Variants in STPG2 observed in about 807,000 individuals in gnomAD.
The protein encoded by STPG2 is sperm-tail PG-rich repeat-containing protein 2.
In STPG2, 56 loss-of-function variants were observed where a neutral mutation model predicts 54.2. That is an observed-to-expected ratio of 1.03 (90% confidence interval 0.83 to 1.29). The LOEUF (loss-of-function observed/expected upper bound fraction) is 1.29. Ranked by LOEUF, STPG2 falls within the 50% of genes most tolerant of loss-of-function variation. The pLI is 0.00. For missense variants in STPG2, 596 were observed against 544.9 expected (o/e 1.09, Z -0.93); for synonymous variants, 200 against 181.8 (o/e 1.10, Z -0.81).
At chr4:98,075,040 G>T (rs1054444822) in intron 5 of STPG2, among the ~76,000 whole-genome samples, 7 of 152,108 alleles carry the variant, frequency 4.6e-5, no homozygotes, top group African/African-American at 1.7e-4. Context: ...GGTCCATCAG[G>T]GATTGAGAAA....
intron 5 of STPG2, among the ~76,000 whole-genome samples, chr4:98,098,364 A>G (rs996206023): frequency 6.6e-6 from 1 of 152,146 alleles, no homozygotes; most frequent in African/African-American, 2.4e-5. Context: ...AAGAACATAC[A>G]TTGGGGAAAA....
chr4:97,959,867 T>C (rs1157791928), intron 7 of STPG2, among the ~76,000 whole-genome samples: 1 of 152,038 alleles, frequency 6.6e-6, no homozygotes, highest in East Asian at 1.9e-4. Flanking sequence ...ATCACCCTAA[T>C]ACCAAAACAT....
At chr4:97,653,178 TA>T (rs1394487251) in intron 10 of STPG2, among the ~76,000 whole-genome samples, 1 of 151,984 alleles carries the variant, frequency 6.6e-6, no homozygotes, top group African/African-American at 2.4e-5. Flanking sequence ...TATTATGTAT[TA>T]GGGACTGAGG....
chr4:97,949,452 G>A (rs1436446994), intron 7 of STPG2, among the ~76,000 whole-genome samples: 1 of 152,052 alleles, frequency 6.6e-6, no homozygotes, highest in African/African-American at 2.4e-5. Context: ...CAATCAACAT[G>A]TGAATTGTTA....
At chr4:97,561,297 T>G (rs1460102836) in intron 10 of STPG2, among the ~76,000 whole-genome samples, 1 of 152,218 alleles carries the variant, frequency 6.6e-6, no homozygotes, top group Non-Finnish European at 1.5e-5. Flanking sequence ...TTGATGGGGT[T>G]GTTTTTTTCT....
intron 9 of STPG2, among the ~76,000 whole-genome samples, chr4:97,783,296 T>A (rs1726712683): frequency 6.6e-6 from 1 of 152,138 alleles, no homozygotes; most frequent in Admixed American, 6.5e-5. Flanking sequence ...AAAGAAGACA[T>A]TTATGCAGCC....
chr4:97,557,322 C>G (rs1732101038), downstream of STPG2, among the ~76,000 whole-genome samples: 1 of 151,592 alleles, frequency 6.6e-6, no homozygotes, highest in Admixed American at 6.6e-5. Context: ...AGTTAGCAAT[C>G]AGAGAGAGAG....
chr4:97,703,816 A>G (rs1015249199), intron 10 of STPG2, among the ~76,000 whole-genome samples: 3 of 148,308 alleles, frequency 2.0e-5, no homozygotes, highest in African/African-American at 5.0e-5. Flanking sequence ...GTGTGTGTAT[A>G]TATACATATA....
At chr4:97,789,056 G>T (rs1230413815) in intron 9 of STPG2, among the ~76,000 whole-genome samples, 1 of 151,562 alleles carries the variant, frequency 6.6e-6, no homozygotes, top group Admixed American at 6.6e-5. Context: ...ATGCAGAATG[G>T]TACATGGGAA....
chr4:97,764,549 A>C (rs1725984537), intron 9 of STPG2, among the ~76,000 whole-genome samples: 1 of 152,140 alleles, frequency 6.6e-6, no homozygotes, highest in Admixed American at 6.5e-5. Context: ...AATCAAAATA[A>C]CCTTCACAGA....
intron 9 of STPG2, among the ~76,000 whole-genome samples, chr4:97,822,186 T>G (rs969787826): frequency 6.6e-6 from 1 of 152,222 alleles, no homozygotes; most frequent in Non-Finnish European, 1.5e-5. Flanking sequence ...TCTTAAATGC[T>G]TTGCTGCTTA....
At chr4:97,982,649 A>G (rs959143166) in intron 5 of STPG2, among the ~76,000 whole-genome samples, 1 of 152,114 alleles carries the variant, frequency 6.6e-6, no homozygotes, top group African/African-American at 2.4e-5. Flanking sequence ...TTAGAGTCAC[A>G]TATTGCTTTA....
At chr4:98,121,615 G>A (rs1739681312) in intron 3 of STPG2, among the ~76,000 whole-genome samples, 1 of 152,066 alleles carries the variant, frequency 6.6e-6, no homozygotes, top group Non-Finnish European at 1.5e-5. Flanking sequence ...TCCCTTGTTA[G>A]CTGTATTCCT....
chr4:98,030,808 G>A (rs895826636), intron 5 of STPG2, among the ~76,000 whole-genome samples: 45 of 152,236 alleles, frequency 3.0e-4, no homozygotes, highest in African/African-American at 9.4e-4. Flanking sequence ...TTCATTAAAC[G>A]GTGCTGAGAT....
intron 7 of STPG2, among the ~76,000 whole-genome samples, chr4:97,960,235 A>G (rs998367236): frequency 2.6e-5 from 4 of 152,124 alleles, no homozygotes; most frequent in Non-Finnish European, 5.9e-5. Flanking sequence ...ACCACAACCA[A>G]CATAATACTG....
At chr4:97,867,163 A>T (rs537899735) in intron 8 of STPG2, among the ~76,000 whole-genome samples, 9 of 151,970 alleles carry the variant, frequency 5.9e-5, no homozygotes, top group Admixed American at 3.9e-4. Flanking sequence ...TTTCTGTTTA[A>T]GCCTTTTAGA....
intron 9 of STPG2, among the ~76,000 whole-genome samples, chr4:97,818,299 G>A (rs991224692): frequency 2.6e-5 from 4 of 151,548 alleles, no homozygotes; most frequent in African/African-American, 4.8e-5. Context: ...GGATAGTATC[G>A]AACCCTATAA....
chr4:97,844,913 G>C (rs1344492487), intron 8 of STPG2, among the ~76,000 whole-genome samples: 1 of 151,704 alleles, frequency 6.6e-6, no homozygotes, highest in African/African-American at 2.4e-5. Flanking sequence ...CTATCTTTCA[G>C]TTAATTAATT....
At chr4:98,091,643 GCCCTATTCATCATCTTTCTAT>G (rs1336570740) in intron 5 of STPG2, among the ~76,000 whole-genome samples, 39 of 152,038 alleles carry the variant, frequency 2.6e-4, no homozygotes, top group African/African-American at 9.4e-4. Flanking sequence ...AAGAAGCTTT[GCCCTATTCATCATCTTTCTAT>G]CCACAGCATA....
Sources: gnomAD v4.1 joint callset for allele counts (sites outside exome capture counted in the v4.1 genomes callset) on GRCh38, gnomAD v4.1.1 for gene constraint, MANE v1.5 for transcripts, NCBI Gene and HGNC (gene_info 2026-07-23, HGNC 2026-07-21) for gene names.